NFASC: variants seen among roughly 807,000 people sequenced by gnomAD.
The protein encoded by NFASC is neurofascin homolog.
Under a neutral mutation model 147.5 loss-of-function variants are expected in NFASC, and 43 were observed. The ratio of observed to expected loss-of-function variants is 0.29; its 90% confidence interval spans 0.23 to 0.38. The LOEUF is 0.38. NFASC is among the 10% of genes least tolerant of loss of function. The probability of loss-of-function intolerance (pLI) is 1.00; values close to 1 mark genes in which losing one functional copy is unlikely to be tolerated. For missense variants in NFASC, 1,320 were observed against 1,689.0 expected (o/e 0.78, Z 3.83); for synonymous variants, 622 against 665.5 (o/e 0.93, Z 1.01).
chr1:204,906,566 T>C (rs1441337192), intron 1 of NFASC, among the ~76,000 whole-genome samples: 1 of 152,250 alleles, frequency 6.6e-6, no homozygotes, highest in East Asian at 1.9e-4. Context: ...TTCCATTGTA[T>C]TGCATACCAT....
At chr1:204,934,317 A>G (rs2092649497) in intron 2 of NFASC, among the ~76,000 whole-genome samples, 1 of 152,076 alleles carries the variant, frequency 6.6e-6, no homozygotes, top group Admixed American at 6.6e-5. Context: ...CACTTTTTAT[A>G]TACAGAAAGT....
intron 1 of NFASC, among the ~76,000 whole-genome samples, chr1:204,916,708 TG>T (rs2089341600): frequency 1.6e-5 from 2 of 126,666 alleles, no homozygotes; most frequent in South Asian, 5.9e-4. Context: ...GATTCTTTTT[TG>T]TTTTTTTTGT....
chr1:205,013,132 C>T (rs1441542115), intron 29 of NFASC, among the ~76,000 whole-genome samples: 5 of 152,240 alleles, frequency 3.3e-5, no homozygotes, highest in Non-Finnish European at 7.3e-5. Context: ...GTTTGACGAA[C>T]AGCATTTCAT....
At chr1:204,963,287 T>C (rs114300237) in intron 8 of NFASC, among the ~76,000 whole-genome samples, 2 of 152,330 alleles carry the variant, frequency 1.3e-5, no homozygotes, top group Non-Finnish European at 2.9e-5. Context: ...CTAAGCATTG[T>C]TTGTTTTCAA....
Position 204,968,581 on chromosome 1 carries a change from C to G in NFASC, c.819-217C>G, listed in dbSNP as rs2095081094. On this transcript the variant is annotated intron_variant, in intron 9 of 29. Transcript: ENST00000339876. The surrounding 1 kb of genome is among the most constrained non-coding windows in gnomAD (Gnocchi z 5.4). ...ATGAGGAAAGAAGGTGATTAGGCATCCCGTAGATGCGTTAGAATCTCGTGG... is the reference window on the plus strand; with the variant it reads ...ATGAGGAAAGAAGGTGATTAGGCATGCCGTAGATGCGTTAGAATCTCGTGG... 4 of 614,510 alleles carry G rather than the reference C, an allele frequency of 6.5e-6. No individual in the cohort carries two copies. The highest frequency in any genetic ancestry group is 1.1e-5 in the Non-Finnish European group (4 of 350,118). The allele number at this position is 614,510 out of a possible 1,614,324, so 38.1% of individuals were successfully genotyped here. A position where few individuals can be genotyped will look rare whatever the true frequency, so the allele number is the denominator to read the frequency against.
At chr1:204,875,852 T>G (rs1040209748) in intron 1 of NFASC, among the ~76,000 whole-genome samples, 1 of 152,152 alleles carries the variant, frequency 6.6e-6, no homozygotes, top group African/African-American at 2.4e-5. Context: ...GAGGGAACAT[T>G]TGGAACTCTA....
rs969913878 is a variant in NFASC at position 205,020,112 on chromosome 1, A to C, written c.*3573A>C. On this transcript the variant is annotated 3_prime_UTR_variant, in exon 30 of 30. Coordinates refer to ENST00000339876, the MANE Select transcript of NFASC (RefSeq NM_001005388.3). ...AGGTTGGAGACATCTGGTCCACCCC[A>C]TTGCCCCTGCCCCTGGCAAGCCCTG... 2.0e-5 allele frequency: 3 copies of C among 152,206 alleles called. No individual in the cohort carries two copies. Among genetic ancestry groups the C allele is most frequent in the African/African-American group, 7.2e-5 (3 of 41,444 alleles). The allele number at this position is 152,206 out of a possible 1,614,324, so 9.4% of individuals were successfully genotyped here.
At chr1:204,869,879 A>G (rs1321264534) in intron 1 of NFASC, among the ~76,000 whole-genome samples, 1 of 152,232 alleles carries the variant, frequency 6.6e-6, no homozygotes. Flanking sequence ...ATCATTATAA[A>G]CAATATTCTG....
At chr1:204,970,158 G>T (rs1028024429) in intron 10 of NFASC, among the ~76,000 whole-genome samples, 5 of 151,274 alleles carry the variant, frequency 3.3e-5, no homozygotes, top group Non-Finnish European at 7.4e-5. Flanking sequence ...TTTCCTAAAT[G>T]GTCTGATCTT....
In NFASC at chr1:204,992,395, C is replaced by T. The variant is rs961680603; in HGVS notation, c.2782+1089C>T. 1.1e-4 allele frequency among the ~76,000 whole-genome samples: 17 copies of T among 152,186 alleles called. 1 individual carries two copies. Among genetic ancestry groups the T allele is most frequent in the Admixed American group, 7.8e-4 (12 of 15,292 alleles). On this transcript the variant is annotated intron_variant, in intron 24 of 29. Coordinates refer to ENST00000339876, the MANE Select transcript of NFASC (RefSeq NM_001005388.3). ...TTGCTTATTCATCCCCACCCCCATC[C>T]TAGGTTGATTCTATTTCTGTTGCAT...
At position 204,977,609 on chromosome 1, in the gene NFASC, A is replaced by G. The variant is rs541800448; in HGVS notation, c.1832-72A>G. The G allele has an allele frequency of 4.2e-5, 61 of 1,449,320 alleles. No individual in the cohort carries two copies. The East Asian group carries it at 1.4e-3, about 33-fold the overall frequency. The allele number at this position is 1,449,320 out of a possible 1,614,324, so 89.8% of individuals were successfully genotyped here. ...GCAGCTGTTTAAGCCTCGGCTGCCT[A>G]CCCCCATCCTTCTAGAACACCTTTA... On this transcript the variant is annotated intron_variant, in intron 16 of 29. Transcript: ENST00000339876.
chr1:204,984,523 C>T (rs12134874), intron 21 of NFASC, among the ~76,000 whole-genome samples: 13,855 of 151,462 alleles, frequency 0.091, 795 homozygotes, highest in African/African-American at 0.17. Context: ...GGAATACATG[C>T]GTGAGTGGGC....
At chr1:204,832,603 C>A (rs1170116354) in intron 1 of NFASC, among the ~76,000 whole-genome samples, 1 of 152,176 alleles carries the variant, frequency 6.6e-6, no homozygotes. Flanking sequence ...GAGAGACTGT[C>A]AGTTTCATCT....
intron 14 of NFASC, 56 bp downstream of exon 14, chr1:204,974,879 G>A (rs2095361114): frequency 9.1e-6 from 14 of 1,546,474 alleles, no homozygotes; most frequent in African/African-American, 1.4e-5. Flanking sequence ...GGCCATGCTG[G>A]CAGTTATCCA....
In NFASC at chr1:204,876,219, T is replaced by C. The variant is rs146294719; in HGVS notation, c.-199-44413T>C. On this transcript the variant is annotated intron_variant, in intron 1 of 29. Transcript: ENST00000339876. ...ACAGATGCGTTTTGACAAATGTATA[T>C]GCCCCATGTAACCACCACTCCAATC... Among the ~76,000 whole-genome samples the C allele has an allele frequency of 5.1e-3, 775 of 152,276 alleles. 6 individuals are homozygous for C. The highest frequency in any genetic ancestry group is 0.018 in the African/African-American group (735 of 41,562).
chr1:204,989,965 C>A (rs372861315), intron 23 of NFASC: 1 of 152,312 alleles, frequency 6.6e-6, no homozygotes, highest in African/African-American at 2.4e-5. Flanking sequence ...CACCCCTACC[C>A]GCATTCCAGG....
At chr1:204,869,964 GC>G (rs1395472446) in intron 1 of NFASC, among the ~76,000 whole-genome samples, 4 of 152,138 alleles carry the variant, frequency 2.6e-5, no homozygotes, top group African/African-American at 4.8e-5. Flanking sequence ...TGGAATTTAT[GC>G]AATGAAGGGT....
intron 21 of NFASC, among the ~76,000 whole-genome samples, chr1:204,984,825 T>A (rs2095583112): frequency 6.6e-6 from 1 of 151,988 alleles, no homozygotes; most frequent in Non-Finnish European, 1.5e-5. Context: ...GCACCCAGGG[T>A]ATACACGGCG....
intron 1 of NFASC, among the ~76,000 whole-genome samples, chr1:204,854,897 G>A (rs2076017529): frequency 6.6e-6 from 1 of 152,240 alleles, no homozygotes; most frequent in African/African-American, 2.4e-5. Flanking sequence ...GAGATACTTG[G>A]GAGTGGTATA....
Sources: allele counts gnomAD v4.1 joint callset (sites outside exome capture counted in the v4.1 genomes callset), GRCh38; gene constraint gnomAD v4.1.1; non-coding constraint Gnocchi (gnomAD v3.1); transcripts MANE v1.5; gene names NCBI Gene and HGNC (gene_info 2026-07-23, HGNC 2026-07-21).